CAMK4: variants seen among roughly 807,000 people sequenced by gnomAD.
The protein encoded by CAMK4 is calcium/calmodulin-dependent protein kinase type IV.
CAMK4 carries 22 observed loss-of-function variants against 44.9 expected under a neutral mutation model. That is an observed-to-expected ratio of 0.49 (90% CI 0.35 to 0.70). The LOEUF (loss-of-function observed/expected upper bound fraction) is 0.70, where lower values mean the gene tolerates loss of function less well. Among genes scored for constraint, CAMK4 ranks in the 30% least tolerant of loss-of-function variants. CAMK4 has a pLI of 0.01. For missense variants in CAMK4, 498 were observed against 586.8 expected (o/e 0.85, Z 1.56); for synonymous variants, 218 against 215.4 (o/e 1.01, Z -0.11).
At chr5:111,229,261 ACT>A (rs1748346980) in intron 1 of CAMK4, among the ~76,000 whole-genome samples, 1 of 151,728 alleles carries the variant, frequency 6.6e-6, no homozygotes, top group East Asian at 1.9e-4. Flanking sequence ...CTCAGTTAGG[ACT>A]CTCTGTTTTG....
chr5:111,246,892 A>G (rs1018378582), intron 1 of CAMK4, among the ~76,000 whole-genome samples: 2 of 152,164 alleles, frequency 1.3e-5, no homozygotes, highest in African/African-American at 4.8e-5. Flanking sequence ...GCAGCAACCA[A>G]TAATGTTTAC....
At chr5:111,232,427 G>A (rs367788066) in intron 1 of CAMK4, among the ~76,000 whole-genome samples, 1 of 152,058 alleles carries the variant, frequency 6.6e-6, no homozygotes, top group East Asian at 1.9e-4. Flanking sequence ...CAGCATGTCA[G>A]GCAGATGGTA....
intron 1 of CAMK4, among the ~76,000 whole-genome samples, chr5:111,338,317 A>G (rs1469818404): frequency 6.6e-6 from 1 of 151,126 alleles, no homozygotes; most frequent in Admixed American, 6.6e-5. Context: ...GAGCTCTTGC[A>G]TTTGTTCCTC....
At chr5:111,435,593 C>T (rs1274567515) in intron 5 of CAMK4, among the ~76,000 whole-genome samples, 1 of 152,178 alleles carries the variant, frequency 6.6e-6, no homozygotes, top group East Asian at 1.9e-4. Flanking sequence ...CCAGGTTCTG[C>T]TTGGCCAGAG....
intron 8 of CAMK4, among the ~76,000 whole-genome samples, chr5:111,476,366 G>A (rs959215439): frequency 2.6e-5 from 4 of 151,596 alleles, no homozygotes; most frequent in Admixed American, 6.6e-5. Flanking sequence ...TGCAACCTCC[G>A]CCTTGGGTTC....
chr5:111,271,246 T>C (rs1561376176), intron 1 of CAMK4, among the ~76,000 whole-genome samples: 1 of 152,208 alleles, frequency 6.6e-6, no homozygotes, highest in Non-Finnish European at 1.5e-5. Context: ...TCATAGAATT[T>C]GGATAAGCCA....
Position 111,310,579 on chromosome 5 carries a change from G to A in CAMK4, c.162-33445G>A, listed in dbSNP as rs1370856856. Among the ~76,000 whole-genome samples the A allele has an allele frequency of 2.0e-5, 3 of 152,144 alleles. No homozygotes were observed. In the East Asian group the frequency reaches 5.8e-4, roughly 29 times the overall value. On this transcript the variant is annotated intron_variant, in intron 1 of 10. Transcript: ENST00000282356. ...AGCAGTGTGGAAGATGGCTCAGAGGGGTATATATGTAAATACTAAGCCTGG... is the reference window on the plus strand; with the variant it reads ...AGCAGTGTGGAAGATGGCTCAGAGGAGTATATATGTAAATACTAAGCCTGG...
At chr5:111,323,655 C>G (rs1188389626) in intron 1 of CAMK4, among the ~76,000 whole-genome samples, 1 of 151,912 alleles carries the variant, frequency 6.6e-6, no homozygotes, top group Non-Finnish European at 1.5e-5. Flanking sequence ...AATTGTATAT[C>G]TTGTTAAAAT....
rs17132990 is a variant in CAMK4 at position 111,259,807 on chromosome 5, G to A, written c.161+35163G>A. Among the ~76,000 whole-genome samples the A allele has an allele frequency of 8.7e-3, 1,321 of 152,258 alleles. 16 individuals are homozygous for A. The highest frequency in any genetic ancestry group is 0.022 in the African/African-American group (927 of 41,552). On this transcript the variant is annotated intron_variant, in intron 1 of 10. Coordinates refer to ENST00000282356, the MANE Select transcript of CAMK4 (RefSeq NM_001744.6). ...GTGACTCATTTAAGAGTGAATTCCT[G>A]TAGGGTGTGAAAGTGGATTTTTATA...
intron 1 of CAMK4, among the ~76,000 whole-genome samples, chr5:111,238,957 C>A (rs534410989): frequency 6.6e-6 from 1 of 151,748 alleles, no homozygotes; most frequent in Non-Finnish European, 1.5e-5. Flanking sequence ...TTGGATCCCA[C>A]TGTGCATCCG....
At chr5:111,224,340 CG>C, upstream of CAMK4, 1 of 1,203,394 alleles carries the variant, frequency 8.3e-7, no homozygotes, top group Non-Finnish European at 1.1e-6. The surrounding 1 kb of genome is among the most constrained non-coding windows in gnomAD (Gnocchi z 5.7). Context: ...CCTGCGAGCG[CG>C]GGCGGCGGCG....
intron 1 of CAMK4, among the ~76,000 whole-genome samples, chr5:111,279,400 C>T (rs1313152935): frequency 6.6e-6 from 1 of 152,126 alleles, no homozygotes; most frequent in Non-Finnish European, 1.5e-5. Flanking sequence ...TCAGTCAGCT[C>T]CAGCCCTGAG....
chr5:111,361,039 A>C (rs1750571842), intron 2 of CAMK4, among the ~76,000 whole-genome samples: 1 of 152,044 alleles, frequency 6.6e-6, no homozygotes, highest in African/African-American at 2.4e-5. Flanking sequence ...TCTTTCCACC[A>C]AGTTTTTAGC....
chr5:111,229,774 C>A (rs966309329), intron 1 of CAMK4, among the ~76,000 whole-genome samples: 1 of 152,088 alleles, frequency 6.6e-6, no homozygotes, highest in Non-Finnish European at 1.5e-5. Flanking sequence ...TTGTGCCAAC[C>A]CTGTCTTGTT....
At chr5:111,382,470 A>G (rs566632565) in intron 4 of CAMK4, among the ~76,000 whole-genome samples, 1 of 152,316 alleles carries the variant, frequency 6.6e-6, no homozygotes, top group South Asian at 2.1e-4. Flanking sequence ...GAAATTAGTC[A>G]TCAATGTAAT....
chr5:111,379,723 C>T lies in CAMK4; in HGVS notation c.386+2781C>T, dbSNP rs150696008. Among the ~76,000 whole-genome samples the T allele has an allele frequency of 4.3e-3, 654 of 152,032 alleles. 3 individuals carry two copies. The highest frequency in any genetic ancestry group is 0.015 in the African/African-American group (624 of 41,504). On this transcript the variant is annotated intron_variant, in intron 4 of 10. Transcript: ENST00000282356. ...GAATTCATTCCTGGTCTAATGATGA[C>T]TCTAATAGTACATAATGAATGAACT...
chr5:111,340,722 C>T (rs936617059), intron 1 of CAMK4, among the ~76,000 whole-genome samples: 17 of 150,718 alleles, frequency 1.1e-4, no homozygotes, highest in African/African-American at 4.1e-4. Flanking sequence ...TCATAAAATT[C>T]GTTTGATAGT....
intron 1 of CAMK4, among the ~76,000 whole-genome samples, chr5:111,297,452 C>T (rs1747535720): frequency 6.6e-6 from 1 of 152,142 alleles, no homozygotes; most frequent in African/African-American, 2.4e-5. Flanking sequence ...ACATGAGTGG[C>T]TCTCAGTGTC....
intron 5 of CAMK4, among the ~76,000 whole-genome samples, chr5:111,409,496 T>C (rs1177673974): frequency 6.6e-6 from 1 of 152,226 alleles, no homozygotes; most frequent in Non-Finnish European, 1.5e-5. Context: ...TCCAGGCCTG[T>C]GATGGGAGGG....
Sources: allele counts gnomAD v4.1 joint callset (sites outside exome capture counted in the v4.1 genomes callset), GRCh38; gene constraint gnomAD v4.1.1; non-coding constraint Gnocchi (gnomAD v3.1); transcripts MANE v1.5; gene names NCBI Gene and HGNC (gene_info 2026-07-23, HGNC 2026-07-21).